The following ALG13 variants were observed in gnomAD, a reference collection of about 807,000 sequenced individuals.
ALG13 encodes the protein UDP-N-acetylglucosamine transferase subunit ALG13.
Under a neutral mutation model 87.8 loss-of-function variants are expected in ALG13, and 11 were observed. The ratio of observed to expected loss-of-function variants is 0.13; its 90% CI spans 0.08 to 0.21. The LOEUF is 0.21. Among genes scored for constraint, ALG13 ranks in the 10% least tolerant of loss-of-function variants. The pLI, the probability that ALG13 is intolerant of heterozygous loss-of-function variation, is 1.00. For synonymous variants in ALG13, 320 were observed against 306.3 expected (o/e 1.04, Z -0.47); for missense variants, 756 against 866.1 (o/e 0.87, Z 1.60).
At chrX:111,704,102 A>C (rs1938352672) in intron 3 of ALG13, among the ~76,000 whole-genome samples, 1 of 111,957 alleles carries the variant, frequency 8.9e-6, no homozygotes, top group Non-Finnish European at 1.9e-5. Context: ...TAAGCAGATG[A>C]AAAGATGCTC....
At chrX:111,723,668 C>T in intron 13 of ALG13, 130 bp from the exon 14 acceptor site, 1 of 432,127 alleles carries the variant, frequency 2.3e-6, no homozygotes, top group Non-Finnish European at 4.0e-6. Flanking sequence ...TCCATTGATC[C>T]AGACTGGCAG....
rs774384951 is a variant in ALG13 at position 111,709,033 on chromosome X, A to G, written c.819A>G (p.Gln273=). ...GTGTCTCATATATGAGGGAAAATCA[A>G]CAAACTTTTGAGTCTGTAAGTAGAA... is the stretch of plus-strand genomic sequence containing the variant. The part of the protein sequence containing the change: ...KACVSYMREN[Q]QTFESYVEGS... The change falls in exon 5 of 27, where the codon CAA becomes CAG. Residue 273 remains glutamine (Q), a synonymous_variant. Transcript: ENST00000394780. 1.4e-5 allele frequency: 16 copies of G among 1,170,110 alleles called. No homozygotes were observed. Among genetic ancestry groups the G allele is most frequent in the Middle Eastern group, 2.4e-4 (1 of 4,221 alleles).
chrX:111,725,193 T>C, intron 15 of ALG13, 132 bp downstream of exon 15: 2 of 784,592 alleles, frequency 2.5e-6, no homozygotes, highest in Admixed American at 6.9e-5. Context: ...TTAGCATTAC[T>C]GATAATGGAA....
At chrX:111,730,368 T>G in intron 19 of ALG13, 27 bp from the exon 20 acceptor site, 8 of 1,202,826 alleles carry the variant, frequency 6.7e-6, no homozygotes, top group Non-Finnish European at 9.0e-6. Context: ...ATAAACACAT[T>G]TCTTCTGTCT....
Position 111,687,817 on chromosome X carries a change from A to G in ALG13, c.383+2714A>G. The G allele has an allele frequency of 3.1e-6, 3 of 967,725 alleles. No homozygotes were observed. The Middle Eastern group carries it at 7.8e-4, about 251-fold the overall frequency. The allele number at this position is 967,725 out of a possible 1,213,427, so 79.8% of individuals were successfully genotyped here. ...ATATTCTTGGAAGTTAGATTCAGTC[A>G]TCAGTGGGCAGCAGATGAAGTATGG... On this transcript the variant is annotated intron_variant, in intron 3 of 26. Transcript: ENST00000394780.
At chrX:111,759,374 T>C (rs1712334557) in intron 26 of ALG13, among the ~76,000 whole-genome samples, 1 of 111,131 alleles carries the variant, frequency 9.0e-6, no homozygotes, top group Non-Finnish European at 1.9e-5. Flanking sequence ...ATTCGGATGA[T>C]GTATACTGTA....
At chrX:111,710,629 G>A (rs1436526846) in intron 5 of ALG13, among the ~76,000 whole-genome samples, 2 of 112,067 alleles carry the variant, frequency 1.8e-5, no homozygotes, top group Admixed American at 9.4e-5. Context: ...TCTCAATTGT[G>A]ATGATGATTT....
chrX:111,699,416 G>T (rs1238621983), intron 3 of ALG13, among the ~76,000 whole-genome samples: 1 of 111,275 alleles, frequency 9.0e-6, no homozygotes, highest in Non-Finnish European at 1.9e-5. Context: ...GTCTATTTTT[G>T]CTTTTGTTAC....
chrX:111,724,792 C>A, intron 14 of ALG13, 142 bp from the exon 15 acceptor site: 1 of 605,336 alleles, frequency 1.7e-6, no homozygotes, highest in Non-Finnish European at 2.5e-6. Context: ...GTTTTCTAAA[C>A]TAATAAAAAA....
At chrX:111,728,448 T>G (rs1942307130) in intron 19 of ALG13, 143 bp downstream of exon 19, 1 of 677,674 alleles carries the variant, frequency 1.5e-6, no homozygotes, top group Non-Finnish European at 2.2e-6. Context: ...TTCTTAATGC[T>G]TGCTGGGTTT....
intron 3 of ALG13, 103 bp from the exon 4 acceptor site, chrX:111,707,924 C>T: frequency 1.1e-6 from 1 of 916,720 alleles, no homozygotes; most frequent in Non-Finnish European, 1.5e-6. Flanking sequence ...CCACTCTTTC[C>T]CAAGGAGGTA....
In ALG13 at chrX:111,740,735, A is replaced by G. The variant is rs182743903; in HGVS notation, c.2695+3856A>G. On this transcript the variant is annotated intron_variant, in intron 23 of 26. Coordinates refer to ENST00000394780, the MANE Select transcript of ALG13 (RefSeq NM_001099922.3). Reference sequence around the variant, plus strand: ...AAGATGGAACAATTTGAGCCTCAACAAAGATCATTGCAATAGATTGGAATA... The same window carrying G: ...AAGATGGAACAATTTGAGCCTCAACGAAGATCATTGCAATAGATTGGAATA... Among the ~76,000 whole-genome samples, 570 of 111,732 alleles carry G rather than the reference A, an allele frequency of 5.1e-3. 7 individuals are homozygous for G. The highest frequency in any genetic ancestry group is 0.017 in the African/African-American group (538 of 30,780).
intron 23 of ALG13, 136 bp downstream of exon 23, chrX:111,737,015 T>G (rs1943308536): frequency 1.9e-6 from 1 of 522,436 alleles, no homozygotes; most frequent in Non-Finnish European, 2.8e-6. Context: ...AATTATGTTC[T>G]GCCATTGAGG....
chrX:111,709,109 T>A (rs1254966016), intron 5 of ALG13, 61 bp downstream of exon 5: 1 of 665,858 alleles, frequency 1.5e-6, no homozygotes, highest in Non-Finnish European at 2.2e-6. Context: ...GAAAAATAAT[T>A]GTGAGCACCT....
At chrX:111,734,635 T>A (rs935718450) in intron 21 of ALG13, among the ~76,000 whole-genome samples, 6 of 111,919 alleles carry the variant, frequency 5.4e-5, no homozygotes, top group Middle Eastern at 4.6e-3. Context: ...TCTTACAATA[T>A]CTATTAAATC....
chrX:111,702,569 C>G (rs1938069549), intron 3 of ALG13, among the ~76,000 whole-genome samples: 1 of 111,505 alleles, frequency 9.0e-6, no homozygotes, highest in Non-Finnish European at 1.9e-5. Context: ...ATCGGGTTAT[C>G]TAAACCTTTA....
chrX:111,746,899 A>C (rs938220230), intron 24 of ALG13, among the ~76,000 whole-genome samples: 1 of 111,668 alleles, frequency 9.0e-6, no homozygotes, highest in Non-Finnish European at 1.9e-5. Flanking sequence ...GTTGTAAAAA[A>C]ATCTATTTTA....
intron 25 of ALG13, 170 bp from the exon 26 acceptor site, chrX:111,757,418 A>G (rs1945356291): frequency 5.4e-6 from 2 of 370,626 alleles, no homozygotes; most frequent in South Asian, 1.5e-4. Flanking sequence ...TAAAGTTCTA[A>G]TAGAGAACAG....
chrX:111,741,447 G>A (rs1016105093), intron 23 of ALG13, among the ~76,000 whole-genome samples: 9 of 111,806 alleles, frequency 8.0e-5, no homozygotes, highest in African/African-American at 1.6e-4. Context: ...TATAGGCATG[G>A]GTAGTATCCA....
Sources: allele counts gnomAD v4.1 joint callset (sites outside exome capture counted in the v4.1 genomes callset), GRCh38; gene constraint gnomAD v4.1.1; transcripts MANE v1.5; gene names NCBI Gene and HGNC (gene_info 2026-07-23, HGNC 2026-07-21).